The following KCNIP4 variants were observed in gnomAD, a reference collection of about 807,000 sequenced individuals.
The protein encoded by KCNIP4 is Kv channel-interacting protein 4.
Under a neutral mutation model 34.0 loss-of-function variants are expected in KCNIP4, and 12 were observed. The observed-to-expected ratio is 0.35, with a 90% CI of 0.23 to 0.57. KCNIP4 has a LOEUF of 0.57. KCNIP4 is among the 20% of genes least tolerant of loss of function. KCNIP4 has a pLI of 0.83. For missense variants in KCNIP4, 238 were observed against 311.7 expected (o/e 0.76, Z 1.78); for synonymous variants, 124 against 102.2 (o/e 1.21, Z -1.29).
chr4:21,777,082 T>C (rs989969309), intron 1 of KCNIP4, among the ~76,000 whole-genome samples: 1 of 152,186 alleles, frequency 6.6e-6, no homozygotes, highest in Non-Finnish European at 1.5e-5. Context: ...CAAGATCTAA[T>C]GGTTTTATAA....
chr4:20,804,830 G>A (rs1336524368), intron 3 of KCNIP4, among the ~76,000 whole-genome samples: 1 of 152,190 alleles, frequency 6.6e-6, no homozygotes, highest in Non-Finnish European at 1.5e-5. Flanking sequence ...GAAAGTCATA[G>A]GGAATGGAAA....
intron 1 of KCNIP4, among the ~76,000 whole-genome samples, chr4:21,240,125 C>CA (rs1759690584): frequency 6.8e-6 from 1 of 147,610 alleles, no homozygotes; most frequent in Non-Finnish European, 1.5e-5. Context: ...ATCGCAAAGA[C>CA]AAAAAACCAA....
chr4:21,863,717 C>A (rs1725247095), intron 1 of KCNIP4, among the ~76,000 whole-genome samples: 2 of 152,118 alleles, frequency 1.3e-5, no homozygotes, highest in Non-Finnish European at 2.9e-5. Context: ...GGAAAAAGAA[C>A]CTTCATGATC....
chr4:21,556,906 G>A (rs1164481815), intron 1 of KCNIP4, among the ~76,000 whole-genome samples: 11 of 42,630 alleles, frequency 2.6e-4, no homozygotes, highest in Admixed American at 5.7e-4. Context: ...GATCAACAAA[G>A]CAAGACTCCA....
At chr4:20,821,242 C>T (rs1222877032) in intron 3 of KCNIP4, among the ~76,000 whole-genome samples, 9 of 152,206 alleles carry the variant, frequency 5.9e-5, no homozygotes, top group African/African-American at 1.4e-4. Flanking sequence ...AGGTGAATGT[C>T]GTTTGCCTTG....
chr4:21,289,141 T>C (rs140702201), intron 1 of KCNIP4, among the ~76,000 whole-genome samples: 1,759 of 152,324 alleles, frequency 0.012, 20 homozygotes, highest in Non-Finnish European at 0.017. Context: ...TCTAAAACCA[T>C]AGCATGTTTT....
intron 1 of KCNIP4, among the ~76,000 whole-genome samples, chr4:21,662,686 T>G (rs1748541847): frequency 6.6e-6 from 1 of 152,196 alleles, no homozygotes; most frequent in African/African-American, 2.4e-5. Flanking sequence ...TGTTCACTCT[T>G]AAAAACCACA....
intron 1 of KCNIP4, among the ~76,000 whole-genome samples, chr4:21,063,037 T>C (rs1366651836): frequency 6.6e-6 from 1 of 152,014 alleles, no homozygotes. Flanking sequence ...GATGTTCTTA[T>C]AAAAAGGGGA....
chr4:20,895,683 C>A (rs1726437509), intron 1 of KCNIP4, among the ~76,000 whole-genome samples: 1 of 152,172 alleles, frequency 6.6e-6, no homozygotes, highest in Non-Finnish European at 1.5e-5. Flanking sequence ...AAGGTAGACC[C>A]TGTGCCAGGC....
At chr4:21,178,773 C>T (rs1002654490) in intron 1 of KCNIP4, among the ~76,000 whole-genome samples, 1 of 151,662 alleles carries the variant, frequency 6.6e-6, no homozygotes, top group African/African-American at 2.4e-5. Flanking sequence ...GAAAAGGAGT[C>T]ACCAGAGAAC....
intron 1 of KCNIP4, among the ~76,000 whole-genome samples, chr4:21,309,292 T>G (rs1712858518): frequency 6.6e-6 from 1 of 152,168 alleles, no homozygotes; most frequent in African/African-American, 2.4e-5. Context: ...GACCTAACCT[T>G]CATTCAGTTT....
chr4:21,686,897 T>C (rs1750844228), intron 1 of KCNIP4, among the ~76,000 whole-genome samples: 1 of 150,170 alleles, frequency 6.7e-6, no homozygotes, highest in Admixed American at 6.7e-5. Flanking sequence ...TTATTCACAA[T>C]AGCAAAGACT....
chr4:21,532,543 G>A (rs964064308), intron 1 of KCNIP4, among the ~76,000 whole-genome samples: 1 of 152,152 alleles, frequency 6.6e-6, no homozygotes, highest in Non-Finnish European at 1.5e-5. Flanking sequence ...TCAGAAATAT[G>A]AACTGTAACA....
At chr4:21,667,937 T>A (rs985014970) in intron 1 of KCNIP4, among the ~76,000 whole-genome samples, 5 of 152,244 alleles carry the variant, frequency 3.3e-5, no homozygotes, top group Non-Finnish European at 5.9e-5. Flanking sequence ...TTGGTTAACT[T>A]GATAGATAGA....
chr4:21,945,445 G>C lies in KCNIP4; in HGVS notation c.61+3126C>G, dbSNP rs559031970. 3.3e-5 allele frequency among the ~76,000 whole-genome samples: 5 copies of C among 152,102 alleles called. No homozygotes were observed. In the East Asian group the frequency reaches 9.6e-4, roughly 29 times the overall value. ...GCTTTTCATGGATTCAGAATAAATG[G>C]ATTTTTCAATATTACCCTTGTGGAA... On this transcript the variant is annotated intron_variant, in intron 1 of 8. Coordinates refer to ENST00000382152, the MANE Select transcript of KCNIP4 (RefSeq NM_025221.6).
chr4:21,853,589 C>A (rs1724553205), intron 1 of KCNIP4, among the ~76,000 whole-genome samples: 1 of 152,138 alleles, frequency 6.6e-6, no homozygotes, highest in Admixed American at 6.5e-5. Context: ...CACTTCCTAT[C>A]ACATTACTTA....
chr4:21,316,575 C>A (rs1039495649), intron 1 of KCNIP4: 1 of 152,138 alleles, frequency 6.6e-6, no homozygotes, highest in Non-Finnish European at 1.5e-5. Flanking sequence ...GTCACCTTTG[C>A]GCATGAAAAG....
chr4:21,588,251 G>A (rs1466458606), intron 1 of KCNIP4, among the ~76,000 whole-genome samples: 1 of 151,948 alleles, frequency 6.6e-6, no homozygotes, highest in Non-Finnish European at 1.5e-5. Flanking sequence ...AAATCATAAT[G>A]ATCTACTTTT....
chr4:21,101,806 T>C (rs1747969008), intron 1 of KCNIP4, among the ~76,000 whole-genome samples: 2 of 152,186 alleles, frequency 1.3e-5, no homozygotes, highest in South Asian at 4.1e-4. Context: ...TGAAAACCTA[T>C]TATCTATAGA....
Sources: allele counts gnomAD v4.1 joint callset (sites outside exome capture counted in the v4.1 genomes callset), GRCh38; gene constraint gnomAD v4.1.1; transcripts MANE v1.5; gene names NCBI Gene and HGNC (gene_info 2026-07-23, HGNC 2026-07-21).